Variants in SCLT1 observed in about 807,000 individuals in gnomAD.
SCLT1 encodes sodium channel-associated protein 1.
Under a neutral mutation model 112.8 loss-of-function variants are expected in SCLT1, and 78 were observed. The observed-to-expected ratio is 0.69, with a 90% CI of 0.58 to 0.83. SCLT1 has a LOEUF of 0.83. Ranked by LOEUF, SCLT1 falls within the 40% of genes least tolerant of loss-of-function variation. The pLI, the probability that SCLT1 is intolerant of heterozygous loss-of-function variation, is 0.00. For synonymous variants in SCLT1, 257 were observed against 254.7 expected (o/e 1.01, Z -0.09); for missense variants, 747 against 770.4 (o/e 0.97, Z 0.36).
At chr4:129,051,407 A>G (rs1285624944) in intron 2 of SCLT1, among the ~76,000 whole-genome samples, 1 of 152,160 alleles carries the variant, frequency 6.6e-6, no homozygotes, top group Non-Finnish European at 1.5e-5. Flanking sequence ...TTCCTTGAGC[A>G]GTGGTTTGTA....
rs1736286002 is a variant in SCLT1, at chr4:128,926,214, C to A, written c.1829+10441G>T. The stretch of plus-strand genomic sequence containing the variant: ...TGTTCATTTTGAAGCTTGTTTTTAG[C>A]TTTTTCAAGACAGATTTTCAATTCT... On this transcript the variant is annotated intron_variant, in intron 18 of 20. Coordinates refer to ENST00000281142, the MANE Select transcript of SCLT1 (RefSeq NM_144643.4). 3.3e-5 allele frequency among the ~76,000 whole-genome samples: 5 copies of A among 151,988 alleles called. No homozygotes were observed. The South Asian group carries it at 1.0e-3, about 32-fold the overall frequency.
chr4:128,898,592 C>G (rs2125931660), intron 18 of SCLT1, among the ~76,000 whole-genome samples: 1 of 152,028 alleles, frequency 6.6e-6, no homozygotes, highest in South Asian at 2.1e-4. Flanking sequence ...AAATTGACAC[C>G]CTAACATCAC....
At chr4:128,976,702 T>C (rs1424679872) in intron 9 of SCLT1, among the ~76,000 whole-genome samples, 1 of 152,236 alleles carries the variant, frequency 6.6e-6, no homozygotes, top group African/African-American at 2.4e-5. Flanking sequence ...ATTCTGAGTA[T>C]GCAGCACATT....
At chr4:129,052,615 CTCTT>C (rs951436053) in intron 2 of SCLT1, among the ~76,000 whole-genome samples, 3 of 151,260 alleles carry the variant, frequency 2.0e-5, no homozygotes, top group African/African-American at 7.3e-5. Context: ...TGATTCTTCT[CTCTT>C]TTCTTCTTTA....
chr4:128,874,123 T>G (rs959496624), intron 5 of SCLT1: 3 of 152,666 alleles, frequency 2.0e-5, no homozygotes, highest in African/African-American at 7.2e-5. Context: ...AAGGTTCTTA[T>G]GAATCCAAGT....
chr4:128,932,667 A>C (rs889709429), intron 18 of SCLT1, among the ~76,000 whole-genome samples: 4 of 152,160 alleles, frequency 2.6e-5, no homozygotes, highest in Non-Finnish European at 5.9e-5. Context: ...GAAGATGTTA[A>C]ATTGTCCCTG....
intron 2 of SCLT1, among the ~76,000 whole-genome samples, chr4:129,075,442 C>T (rs1159523874): frequency 6.6e-6 from 1 of 152,150 alleles, no homozygotes; most frequent in Non-Finnish European, 1.5e-5. Flanking sequence ...AATCATCAAT[C>T]TCCTAGCATC....
rs1436956791 is a variant in SCLT1, at chr4:128,936,652, T to G, written c.1829+3A>C. ...CATGTCAAACAACTAACAGTAGACT[T>G]ACTTTAGATTATTGATTCTAATTTC... On this transcript the variant is annotated splice_donor_region_variant and intron_variant, in intron 18 of 20. Transcript: ENST00000281142. 1.2e-5 allele frequency: 18 copies of G among 1,564,110 alleles called. No individual in the cohort carries two copies. Among genetic ancestry groups the G allele is most frequent in the Non-Finnish European group, 1.6e-5 (18 of 1,148,370 alleles).
Position 129,063,709 on chromosome 4 carries a change from A to C in SCLT1, c.102+18597T>G, listed in dbSNP as rs11945943. Among the ~76,000 whole-genome samples, 1,448 of 152,286 alleles carry C rather than the reference A, an allele frequency of 9.5e-3. 17 individuals are homozygous for C. Among genetic ancestry groups the C allele is most frequent in the African/African-American group, 0.028 (1,159 of 41,558 alleles). On this transcript the variant is annotated intron_variant, in intron 2 of 20. Coordinates refer to ENST00000281142, the MANE Select transcript of SCLT1 (RefSeq NM_144643.4). Reference sequence around the variant, plus strand: ...TAGAGTCTGCAAAGTGGTTAGTAGGATACACAGCCCTTTCTTGAGTTTCAA... The same window carrying C: ...TAGAGTCTGCAAAGTGGTTAGTAGGCTACACAGCCCTTTCTTGAGTTTCAA...
intron 18 of SCLT1, among the ~76,000 whole-genome samples, chr4:128,908,228 C>G (rs1214370842): frequency 6.6e-6 from 1 of 152,096 alleles, no homozygotes; most frequent in Non-Finnish European, 1.5e-5. Context: ...AAGCACTTTC[C>G]TTGGAACTCT....
At chr4:128,979,524 G>A (rs1419272472) in intron 9 of SCLT1, among the ~76,000 whole-genome samples, 17 of 152,018 alleles carry the variant, frequency 1.1e-4, no homozygotes, top group Admixed American at 9.2e-4. Context: ...TGAACTTCAC[G>A]GCCTCCAGAC....
chr4:128,883,281 T>C (rs1732687775), downstream of SCLT1, among the ~76,000 whole-genome samples: 3 of 150,516 alleles, frequency 2.0e-5, no homozygotes, highest in Admixed American at 1.3e-4. Flanking sequence ...GGAAGAATAG[T>C]GTGGGAGGAA....
At chr4:129,067,266 C>T (rs774418651) in intron 2 of SCLT1, among the ~76,000 whole-genome samples, 4 of 151,164 alleles carry the variant, frequency 2.6e-5, no homozygotes, top group Non-Finnish European at 4.4e-5. Flanking sequence ...CATTGGCTAA[C>T]CCAATGTATA....
intron 18 of SCLT1, among the ~76,000 whole-genome samples, chr4:128,900,936 C>A (rs571055663): frequency 1.3e-5 from 2 of 152,094 alleles, no homozygotes; most frequent in Non-Finnish European, 2.9e-5. Context: ...CTCATCATCA[C>A]TGGCCATCAG....
At chr4:128,894,333 A>C (rs1733561929) in intron 18 of SCLT1, among the ~76,000 whole-genome samples, 1 of 150,516 alleles carries the variant, frequency 6.6e-6, no homozygotes, top group Non-Finnish European at 1.5e-5. Flanking sequence ...GCAACATGGC[A>C]GGCAAATAAT....
chr4:128,986,569 G>A (rs541121638), intron 9 of SCLT1, among the ~76,000 whole-genome samples: 35 of 152,254 alleles, frequency 2.3e-4, no homozygotes, highest in African/African-American at 8.4e-4. Flanking sequence ...TTCTGCTCAG[G>A]GAAAGGGGAA....
At chr4:128,931,873 T>C (rs1579414688) in intron 18 of SCLT1, among the ~76,000 whole-genome samples, 1 of 152,226 alleles carries the variant, frequency 6.6e-6, no homozygotes, top group African/African-American at 2.4e-5. Flanking sequence ...TCCTGTCTTC[T>C]GTAGCTTATT....
chr4:128,956,462 T>C (rs1739222380), intron 13 of SCLT1, among the ~76,000 whole-genome samples: 1 of 152,136 alleles, frequency 6.6e-6, no homozygotes, highest in South Asian at 2.1e-4. Flanking sequence ...CTTTGGACTC[T>C]GCCTTAAATT....
intron 2 of SCLT1, among the ~76,000 whole-genome samples, chr4:129,067,249 A>C (rs907384881): frequency 2.0e-5 from 3 of 151,980 alleles, no homozygotes; most frequent in Non-Finnish European, 4.4e-5. Flanking sequence ...GAAAAAAAAA[A>C]ACAAATCATT....
Sources: allele counts gnomAD v4.1 joint callset (sites outside exome capture counted in the v4.1 genomes callset), GRCh38; gene constraint gnomAD v4.1.1; transcripts MANE v1.5; gene names NCBI Gene and HGNC (gene_info 2026-07-23, HGNC 2026-07-21).